Variants in ME3 observed in about 807,000 individuals in gnomAD.
ME3 encodes malic enzyme 3.
A neutral mutation model predicts 68.9 loss-of-function variants in ME3; 48 were observed. The ratio of observed to expected loss-of-function variants is 0.70; its 90% CI spans 0.55 to 0.89. The LOEUF (loss-of-function observed/expected upper bound fraction) is 0.89, where lower values mean the gene tolerates loss of function less well. Ranked by LOEUF, ME3 falls within the 40% of genes least tolerant of loss-of-function variation. The pLI, the probability that ME3 is intolerant of heterozygous loss-of-function variation, is 0.00. For missense variants in ME3, 675 were observed against 797.4 expected (o/e 0.85, Z 1.85); for synonymous variants, 320 against 318.8 (o/e 1.00, Z -0.04).
intron 2 of ME3, among the ~76,000 whole-genome samples, chr11:86,576,466 G>A (rs2139582553): frequency 6.6e-6 from 1 of 152,280 alleles, no homozygotes; most frequent in East Asian, 1.9e-4. Flanking sequence ...CTTCCCTCCT[G>A]GGGCTTTCTG....
intron 2 of ME3, among the ~76,000 whole-genome samples, chr11:86,583,447 G>T (rs1275684233): frequency 6.6e-6 from 1 of 152,142 alleles, no homozygotes; most frequent in Non-Finnish European, 1.5e-5. Flanking sequence ...TCAAAAATTT[G>T]TAGGGCATCT....
At chr11:86,602,472 AG>A (rs1266055827) in intron 2 of ME3, among the ~76,000 whole-genome samples, 3 of 152,192 alleles carry the variant, frequency 2.0e-5, no homozygotes, top group Non-Finnish European at 4.4e-5. Flanking sequence ...AACAAATGGA[AG>A]AACATTCTAT....
chr11:86,596,781 A>G (rs762402128), intron 2 of ME3, among the ~76,000 whole-genome samples: 4 of 152,216 alleles, frequency 2.6e-5, no homozygotes, highest in African/African-American at 9.6e-5. Context: ...ACCTTATTCT[A>G]TGTGTAACTC....
Position 86,581,015 on chromosome 11 carries a change from G to T in ME3, c.184-21192C>A, listed in dbSNP as rs538809087. Among the ~76,000 whole-genome samples, 4 of 152,236 alleles carry T rather than the reference G, an allele frequency of 2.6e-5. No individual in the cohort carries two copies. The East Asian group carries it at 7.7e-4, about 29-fold the overall frequency. ...TTAAGTGTTCTCTTCCAAAAGGCAG[G>T]AATGACAAAGTCTGGGAATTGAAGT... On this transcript the variant is annotated intron_variant, in intron 2 of 14. Transcript: ENST00000543262.
At chr11:86,657,677 AC>A (rs1945995253) in intron 2 of ME3, among the ~76,000 whole-genome samples, 1 of 152,234 alleles carries the variant, frequency 6.6e-6, no homozygotes, top group African/African-American at 2.4e-5. Flanking sequence ...TATGGTATTA[AC>A]TTGTGACCAA....
intron 2 of ME3, among the ~76,000 whole-genome samples, chr11:86,614,610 T>C (rs1168530631): frequency 6.6e-6 from 1 of 152,156 alleles, no homozygotes; most frequent in Non-Finnish European, 1.5e-5. Flanking sequence ...GTGCCTTATC[T>C]TCGACCTCAA....
intron 2 of ME3, among the ~76,000 whole-genome samples, chr11:86,590,131 G>A (rs1255094431): frequency 6.6e-6 from 1 of 152,166 alleles, no homozygotes; most frequent in African/African-American, 2.4e-5. Context: ...AGTATCAAAG[G>A]GGAGTTTGTT....
At chr11:86,447,023 C>T in intron 12 of ME3, 42 bp downstream of exon 12, 6 of 1,603,644 alleles carry the variant, frequency 3.7e-6, no homozygotes, top group Non-Finnish European at 5.1e-6. Context: ...GTAATTGTTA[C>T]TATGTCCTCT....
chr11:86,611,826 CT>C (rs2135199541), intron 2 of ME3, among the ~76,000 whole-genome samples: 1 of 152,280 alleles, frequency 6.6e-6, no homozygotes, highest in African/African-American at 2.4e-5. Context: ...TAGCTACCAT[CT>C]GAAAAAGTTG....
At chr11:86,657,963 G>A (rs151177316) in intron 2 of ME3, among the ~76,000 whole-genome samples, 1 of 152,268 alleles carries the variant, frequency 6.6e-6, no homozygotes, top group Non-Finnish European at 1.5e-5. Flanking sequence ...AGGACAGGAA[G>A]CAGGATAATG....
At chr11:86,525,798 G>A (rs891395988) in intron 4 of ME3, among the ~76,000 whole-genome samples, 27 of 151,144 alleles carry the variant, frequency 1.8e-4, no homozygotes, top group African/African-American at 6.6e-4. Context: ...GGAGGCAGAG[G>A]TTGCAGTGAG....
At chr11:86,551,404 A>T (rs1004981428) in intron 4 of ME3, among the ~76,000 whole-genome samples, 1 of 151,762 alleles carries the variant, frequency 6.6e-6, no homozygotes, top group Non-Finnish European at 1.5e-5. Flanking sequence ...CAAGTGTGAG[A>T]GTGTGTGTGT....
chr11:86,556,607 G>T (rs529462870), exon 4 of ME3: 1 of 1,614,138 alleles, frequency 6.2e-7, no homozygotes. Flanking sequence ...CACGGTAGGC[G>T]TGTACACGAT....
chr11:86,491,903 C>T (rs1952033900), intron 6 of ME3, among the ~76,000 whole-genome samples: 1 of 152,208 alleles, frequency 6.6e-6, no homozygotes, highest in Non-Finnish European at 1.5e-5. Context: ...TTAAATGTCA[C>T]TGGTGTCCTG....
chr11:86,671,691 A>AG, intron 2 of ME3, 71 bp downstream of exon 2: 1 of 1,570,484 alleles, frequency 6.4e-7, no homozygotes, highest in Non-Finnish European at 8.7e-7. Flanking sequence ...TTCTGGGTCC[A>AG]GGGGGCGGGG....
intron 2 of ME3, among the ~76,000 whole-genome samples, chr11:86,665,707 G>A (rs1196377864): frequency 6.6e-6 from 1 of 152,216 alleles, no homozygotes; most frequent in Non-Finnish European, 1.5e-5. Flanking sequence ...GGCTGCTGCA[G>A]GCATTAAGCA....
At chr11:86,513,187 G>A (rs890121555) in intron 4 of ME3, among the ~76,000 whole-genome samples, 4 of 152,292 alleles carry the variant, frequency 2.6e-5, no homozygotes, top group African/African-American at 9.6e-5. Flanking sequence ...AGGAGAGAGA[G>A]GAGGGACACT....
intron 6 of ME3, among the ~76,000 whole-genome samples, chr11:86,490,632 C>G (rs1786930234): frequency 6.6e-6 from 1 of 152,166 alleles, no homozygotes. Flanking sequence ...CAAAATTACA[C>G]AGATATCATA....
intron 2 of ME3, among the ~76,000 whole-genome samples, chr11:86,641,725 A>T (rs1302923966): frequency 1.3e-5 from 2 of 152,208 alleles, no homozygotes; most frequent in Non-Finnish European, 2.9e-5. Context: ...AATTGTTTTC[A>T]TCATTGGACT....
Sources: gnomAD v4.1 joint callset for allele counts (sites outside exome capture counted in the v4.1 genomes callset) on GRCh38, gnomAD v4.1.1 for gene constraint, MANE v1.5 for transcripts, NCBI Gene and HGNC (gene_info 2026-07-23, HGNC 2026-07-21) for gene names.